The following RSPH9 variants were observed in gnomAD, a reference collection of about 807,000 sequenced individuals.
RSPH9 encodes radial spoke head protein 9 homolog.
Under a neutral mutation model 27.0 loss-of-function variants are expected in RSPH9, and 27 were observed. That is an observed-to-expected ratio of 1.00 (90% CI 0.74 to 1.38). RSPH9 has a LOEUF of 1.38. Among genes scored for constraint, RSPH9 ranks in the 40% most tolerant of loss-of-function variants. The pLI, the probability that RSPH9 is intolerant of heterozygous loss-of-function variation, is 0.00. For missense variants in RSPH9, 347 were observed against 357.4 expected, an observed-to-expected ratio of 0.97 and a Z score of 0.24; for synonymous variants, 145 against 147.7, an observed-to-expected ratio of 0.98 and a Z score of 0.13.
At position 43,665,483 on chromosome 6, in the gene RSPH9, A is replaced by G. The variant is rs552517219; in HGVS notation, c.671-5306A>G. ...CCATTGCATTCCAGCCTGGTGAGCC[A>G]CTCTGATGTGTCCAGTTGGCAAGTG... On this transcript the variant is annotated intron_variant, in intron 4 of 4. Coordinates refer to ENST00000372163, the MANE Select transcript of RSPH9 (RefSeq NM_152732.5). Among the ~76,000 whole-genome samples the G allele has an allele frequency of 9.9e-5, 15 of 152,248 alleles. No individual in the cohort carries two copies. The East Asian group carries it at 2.5e-3, about 25-fold the overall frequency.
Position 43,645,244 on chromosome 6 carries a change from G to T in RSPH9, c.146G>T (p.Arg49Leu), listed in dbSNP as rs1055513498. 6.2e-7 allele frequency: 1 copy of T among 1,614,076 alleles called. No homozygotes were observed. The highest frequency in any genetic ancestry group is 8.5e-7 in the Non-Finnish European group (1 of 1,180,006). Reference sequence around the variant, plus strand: ...TATGATCGGGTTCTCTTCTGGGGCCGCATCCTTGGCCTCGTCGCCGATTAC... The same window carrying T: ...TATGATCGGGTTCTCTTCTGGGGCCTCATCCTTGGCCTCGTCGCCGATTAC... ...YRYDRVLFWG[R>L]ILGLVADYYI... Residue 49 changes from arginine (R) to leucine (L), a missense_variant, in exon 1 of 5, where the codon CGC (arginine) becomes CTC (leucine). Arg to Leu is a moderately radical substitution (Grantham distance 102, BLOSUM62 -2). Coordinates refer to ENST00000372163, the MANE Select transcript of RSPH9 (RefSeq NM_152732.5).
At chr6:43,667,531 C>T (rs927144399) in intron 4 of RSPH9, among the ~76,000 whole-genome samples, 14 of 152,312 alleles carry the variant, frequency 9.2e-5, no homozygotes, top group Non-Finnish European at 1.8e-4. Flanking sequence ...GAACATGGTG[C>T]CCAGGGTCAG....
intron 4 of RSPH9, among the ~76,000 whole-genome samples, chr6:43,664,796 A>G (rs975983606): frequency 6.6e-6 from 1 of 152,190 alleles, no homozygotes; most frequent in African/African-American, 2.4e-5. Flanking sequence ...CCCATCAGAC[A>G]TACTTCTCAG....
rs757687268 is a variant in RSPH9 at position 43,670,820 on chromosome 6, T to C, written c.702T>C (p.Asn234=). Residue 234 remains asparagine (N), a synonymous_variant, in exon 5 of 5, where the codon AAT becomes AAC. Transcript: ENST00000372163. Reference sequence around the variant, plus strand: ...GGAGCATCCAGATGGAGAGGGGCAATGCCCTGGTGGTGCTGCGCAGCCTGC... The same window carrying C: ...GGAGCATCCAGATGGAGAGGGGCAACGCCCTGGTGGTGCTGCGCAGCCTGC... The part of the protein sequence containing the change: ...GSWSIQMERG[N]ALVVLRSLLW... 10 of 1,614,056 alleles carry C rather than the reference T, an allele frequency of 6.2e-6. No homozygotes were observed. Among genetic ancestry groups the C allele is most frequent in the Admixed American group, 5.0e-5 (3 of 60,006 alleles).
intron 4 of RSPH9, chr6:43,666,359 A>T: frequency 1.6e-6 from 2 of 1,273,166 alleles, no homozygotes; most frequent in South Asian, 1.3e-5. Context: ...GGACACCAGG[A>T]CTGGCTGGAG....
intron 1 of RSPH9, among the ~76,000 whole-genome samples, 171 bp from the exon 2 acceptor site, chr6:43,650,204 G>A (rs373302845): frequency 3.3e-5 from 5 of 152,270 alleles, no homozygotes; most frequent in Middle Eastern, 3.4e-3. Context: ...GTGAGTCACC[G>A]TGCCCAGTCA....
intron 2 of RSPH9, among the ~76,000 whole-genome samples, chr6:43,652,333 G>A (rs1478409336): frequency 6.6e-6 from 1 of 150,718 alleles, no homozygotes; most frequent in African/African-American, 2.4e-5. Context: ...AAAAATGGCA[G>A]CATGTTATAC....
At chr6:43,647,878 G>T (rs1358683704) in intron 1 of RSPH9, among the ~76,000 whole-genome samples, 1 of 152,160 alleles carries the variant, frequency 6.6e-6, no homozygotes, top group African/African-American at 2.4e-5. Context: ...AGCTTACATT[G>T]TAGTGTGTGT....
chr6:43,652,131 C>T (rs1201714987), intron 2 of RSPH9, among the ~76,000 whole-genome samples: 1 of 151,212 alleles, frequency 6.6e-6, no homozygotes, highest in Non-Finnish European at 1.5e-5. Context: ...ACGGTGAAAC[C>T]CTGTATCTAC....
rs191866628 is a variant in RSPH9 at position 43,648,684 on chromosome 6, G to A, written c.228-1691G>A. Among the ~76,000 whole-genome samples, 10 of 152,328 alleles carry A rather than the reference G, an allele frequency of 6.6e-5. No individual in the cohort carries two copies. In the East Asian group the frequency reaches 1.9e-3, roughly 29 times the overall value. The stretch of plus-strand genomic sequence containing the variant: ...CTAGTCCAAAGGGGGAATAGATGTG[G>A]AGTCAGGGAGACTAGTTAGGAGTCG... On this transcript the variant is annotated intron_variant, in intron 1 of 4. Transcript: ENST00000372163.
intron 4 of RSPH9, among the ~76,000 whole-genome samples, chr6:43,664,596 C>A (rs149976635): frequency 6.1e-4 from 93 of 152,304 alleles, no homozygotes; most frequent in Admixed American, 2.3e-3. Flanking sequence ...ACTGCAGTGC[C>A]CCAGGGGCCA....
intron 4 of RSPH9, among the ~76,000 whole-genome samples, chr6:43,660,589 G>A (rs1475932502): frequency 3.3e-5 from 5 of 151,864 alleles, no homozygotes; most frequent in East Asian, 1.9e-4. Flanking sequence ...TCAGCCTCCC[G>A]AGTAGCTGGG....
At chr6:43,661,427 G>T (rs9472102) in intron 4 of RSPH9, among the ~76,000 whole-genome samples, 37,959 of 152,070 alleles carry the variant, frequency 0.25, 8,392 homozygotes, top group African/African-American at 0.59. Flanking sequence ...TTGGGAGGCC[G>T]AGGTGGGCGG....
intron 1 of RSPH9, among the ~76,000 whole-genome samples, chr6:43,649,459 G>A (rs1298433541): frequency 1.3e-5 from 2 of 152,068 alleles, no homozygotes; most frequent in African/African-American, 2.4e-5. Context: ...GTACAAGTGT[G>A]AGCCACCGCG....
rs764125696 is a variant in RSPH9 at position 43,666,423 on chromosome 6, G to A, written c.671-4366G>A. The A allele has an allele frequency of 5.2e-6, 8 of 1,549,860 alleles. No individual in the cohort carries two copies. The South Asian group carries it at 9.5e-5, about 18-fold the overall frequency. On this transcript the variant is annotated intron_variant, in intron 4 of 4. Coordinates refer to ENST00000372163, the MANE Select transcript of RSPH9 (RefSeq NM_152732.5). Reference sequence around the variant, plus strand: ...CAGTTAGGATAACTGTTTCCTTTCAGGGTCTGAGGCAGTTGTTCAGGGTGA... The same window carrying A: ...CAGTTAGGATAACTGTTTCCTTTCAAGGTCTGAGGCAGTTGTTCAGGGTGA...
intron 4 of RSPH9, among the ~76,000 whole-genome samples, chr6:43,660,747 A>G (rs1260224073): frequency 6.6e-6 from 1 of 152,148 alleles, no homozygotes; most frequent in Admixed American, 6.6e-5. Context: ...ATAGGTGTGA[A>G]CCACCGCACC....
intron 2 of RSPH9, among the ~76,000 whole-genome samples, chr6:43,651,542 C>T (rs1189665874): frequency 6.6e-6 from 1 of 152,020 alleles, no homozygotes; most frequent in Non-Finnish European, 1.5e-5. Context: ...AACTCTCTCT[C>T]TCTTTCTTTC....
intron 4 of RSPH9, chr6:43,666,554 CA>C: frequency 1.4e-6 from 2 of 1,381,416 alleles, no homozygotes; most frequent in Non-Finnish European, 2.0e-6. Context: ...GTCCCTTGGC[CA>C]AAGTGACAAG....
intron 4 of RSPH9, among the ~76,000 whole-genome samples, chr6:43,657,642 G>T (rs144957899): frequency 2.6e-4 from 39 of 152,294 alleles, no homozygotes; most frequent in African/African-American, 8.4e-4. Flanking sequence ...CGACCCAACT[G>T]GGGGGTATCT....
Sources: allele counts gnomAD v4.1 joint callset (sites outside exome capture counted in the v4.1 genomes callset), GRCh38; gene constraint gnomAD v4.1.1; transcripts MANE v1.5; gene names NCBI Gene and HGNC (gene_info 2026-07-23, HGNC 2026-07-21).